Variants in CFAP97 observed in about 807,000 individuals in gnomAD.
CFAP97 encodes cilia- and flagella-associated protein 97.
CFAP97 carries 36 observed loss-of-function variants against 43.1 expected under a neutral mutation model. The ratio of observed to expected loss-of-function variants is 0.84; its 90% CI spans 0.64 to 1.10. CFAP97 has a LOEUF of 1.10. Ranked by LOEUF, CFAP97 falls within the 50% of genes least tolerant of loss-of-function variation. The pLI, the probability that CFAP97 is intolerant of heterozygous loss-of-function variation, is 0.00. For synonymous variants in CFAP97, 228 were observed against 225.7 expected (o/e 1.01, Z -0.09); for missense variants, 657 against 620.3 (o/e 1.06, Z -0.63).
At chr4:185,165,657 AG>A (rs1177280116) in intron 3 of CFAP97, among the ~76,000 whole-genome samples, 1 of 152,258 alleles carries the variant, frequency 6.6e-6, no homozygotes, top group Non-Finnish European at 1.5e-5. Flanking sequence ...ATTCAGTCAT[AG>A]GACAAGTTTT....
chr4:185,197,324 T>G (rs1471496839), intron 1 of CFAP97, among the ~76,000 whole-genome samples: 1 of 152,138 alleles, frequency 6.6e-6, no homozygotes, highest in African/African-American at 2.4e-5. Context: ...AGAATTAATA[T>G]TACACATATG....
intron 2 of CFAP97, among the ~76,000 whole-genome samples, chr4:185,185,425 T>A (rs1735968517): frequency 6.6e-6 from 1 of 152,152 alleles, no homozygotes. Context: ...AAATATAATT[T>A]TAAAGAACAA....
At chr4:185,200,591 C>T (rs1479949592) in intron 1 of CFAP97, among the ~76,000 whole-genome samples, 1 of 151,678 alleles carries the variant, frequency 6.6e-6, no homozygotes, top group African/African-American at 2.4e-5. Context: ...AGCAGTGAAC[C>T]GAGCTTGCGT....
upstream of CFAP97, among the ~76,000 whole-genome samples, chr4:185,208,233 G>A (rs910611186): frequency 1.3e-5 from 2 of 152,126 alleles, no homozygotes; most frequent in Non-Finnish European, 2.9e-5. Context: ...GGCCAGGCTA[G>A]TCTTGAACTC....
intron 2 of CFAP97, among the ~76,000 whole-genome samples, chr4:185,180,194 A>G (rs917581103): frequency 2.6e-5 from 4 of 152,158 alleles, no homozygotes; most frequent in African/African-American, 9.7e-5. Context: ...GTTGGCATAT[A>G]CTGAGCACTC....
chr4:185,190,685 G>T lies in CFAP97; in HGVS notation c.512C>A (p.Ser171Tyr). 10 of 1,571,506 alleles carry T rather than the reference G, an allele frequency of 6.4e-6. No individual in the cohort carries two copies. Among genetic ancestry groups the T allele is most frequent in the Non-Finnish European group, 8.6e-6 (10 of 1,157,008 alleles). The change falls in exon 2 of 5, where the codon TCC becomes TAC. Residue 171 changes from serine to tyrosine, a missense_variant. Physicochemically the swap from Ser to Tyr is moderately radical, Grantham distance 144 (BLOSUM62 -2). Transcript: ENST00000458385. ...GGAAGATAAAGAGGAGGAGGAAGAG[G>T]AGCTAACTTTGCAATACTTTTTCCT... ...SIRKKYCKVS[S>Y]SSSSSLSSSS...
In CFAP97 at chr4:185,175,993, T is replaced by G; in HGVS notation, c.1113A>C (p.Val371=). The G allele has an allele frequency of 6.2e-7, 1 of 1,613,276 alleles. No individual in the cohort carries two copies. The highest frequency in any genetic ancestry group is 2.2e-5 in the East Asian group (1 of 44,852). The stretch of plus-strand genomic sequence containing the variant: ...TGAAAGAGTAGTTTTTCCCGGGTGC[T>G]ACTGAAGGCTGATCAAAGTGATGTT... ...PQKHHFDQPS[V]APGKNYSFTR... The change falls in exon 3 of 5, where the codon GTA becomes GTC. Residue 371 remains valine, a synonymous_variant. Coordinates refer to ENST00000458385, the MANE Select transcript of CFAP97 (RefSeq NM_020827.3).
At chr4:185,192,865 C>T (rs1185232964) in intron 1 of CFAP97, among the ~76,000 whole-genome samples, 6 of 151,186 alleles carry the variant, frequency 4.0e-5, no homozygotes, top group East Asian at 1.9e-4. Flanking sequence ...CTCAGCCTCC[C>T]GAGTAGCTGG....
rs1050117795 is a variant in CFAP97 at position 185,159,678 on chromosome 4, TTTTA to T, written c.*3116_*3119del. 5.0e-4 allele frequency: 76 copies of T among 152,316 alleles called. No homozygotes were observed. The highest frequency in any genetic ancestry group is 1.8e-3 in the African/African-American group (74 of 41,572). 9.4% of individuals were successfully genotyped at this position (152,316 alleles called of 1,614,324 possible). ...ATCAAAACTCAGTTATCTTTAATTC[TTTTA>T]TTTCTTTCTTCATTATGCCAGGCTA... On this transcript the variant is annotated 3_prime_UTR_variant, in exon 5 of 5. Transcript: ENST00000458385.
intron 1 of CFAP97, among the ~76,000 whole-genome samples, chr4:185,200,226 T>C (rs934909724): frequency 6.6e-6 from 1 of 152,148 alleles, no homozygotes; most frequent in Non-Finnish European, 1.5e-5. Flanking sequence ...GCACGGGAAC[T>C]AGAATTAGAA....
At chr4:185,172,851 A>G (rs372646668) in intron 3 of CFAP97, among the ~76,000 whole-genome samples, 69 of 117,998 alleles carry the variant, frequency 5.8e-4, no homozygotes, top group South Asian at 1.5e-3. Flanking sequence ...CCATCTCTAC[A>G]AAAAAAAAAA....
At chr4:185,171,366 C>T (rs561111274) in intron 3 of CFAP97, among the ~76,000 whole-genome samples, 15 of 152,048 alleles carry the variant, frequency 9.9e-5, no homozygotes, top group Non-Finnish European at 1.6e-4. Flanking sequence ...ACAAGAACAA[C>T]GAAATAACTA....
chr4:185,177,089 T>C (rs1422189273), intron 2 of CFAP97, among the ~76,000 whole-genome samples: 1 of 152,128 alleles, frequency 6.6e-6, no homozygotes, highest in Non-Finnish European at 1.5e-5. Flanking sequence ...TTAAACTTGC[T>C]GAATGTTTCA....
chr4:185,192,460 G>GT (rs1024805459), intron 1 of CFAP97, among the ~76,000 whole-genome samples: 44 of 151,954 alleles, frequency 2.9e-4, no homozygotes, highest in African/African-American at 9.7e-4. Flanking sequence ...ACTGATTTTT[G>GT]TTTTTTTCCC....
chr4:185,176,013 G>T lies in CFAP97; in HGVS notation c.1093C>A (p.His365Asn). ...QLDKKGPQKH[H>N]FDQPSVAPGK... ...GGTGCTACTGAAGGCTGATCAAAGT[G>T]ATGTTTTTGTGGTCCTTTTTTATCT... The change falls in exon 3 of 5, where the codon CAC (histidine) becomes AAC (asparagine). Residue 365 changes from histidine to asparagine, a missense_variant. Coordinates refer to ENST00000458385, the MANE Select transcript of CFAP97 (RefSeq NM_020827.3). 1 of 1,607,154 alleles carries T rather than the reference G, an allele frequency of 6.2e-7. No individual in the cohort carries two copies. The highest frequency in any genetic ancestry group is 8.5e-7 in the Non-Finnish European group (1 of 1,177,174).
At chr4:185,167,716 C>A (rs758677138) in intron 3 of CFAP97, among the ~76,000 whole-genome samples, 72 of 152,182 alleles carry the variant, frequency 4.7e-4, no homozygotes, top group African/African-American at 1.5e-3. Context: ...CTTATTCAGG[C>A]TGGGCGTGGT....
intron 1 of CFAP97, among the ~76,000 whole-genome samples, chr4:185,197,180 A>G (rs919866834): frequency 4.6e-5 from 7 of 151,916 alleles, no homozygotes; most frequent in Non-Finnish European, 1.0e-4. Context: ...AATTTGAAGA[A>G]ACTGAAATCA....
chr4:185,194,075 C>T lies in CFAP97; in HGVS notation c.-16-2863G>A, dbSNP rs149965842. Among the ~76,000 whole-genome samples, 461 of 152,290 alleles carry T rather than the reference C, an allele frequency of 3.0e-3. 19 individuals carry two copies. In the South Asian group the frequency reaches 0.063, roughly 21 times the overall value. ...ATAAAGTTTTATTGGAACACAGCCC[C>T]ACTGATGGGTATATGTATTGTCTCC... On this transcript the variant is annotated intron_variant, in intron 1 of 4. Coordinates refer to ENST00000458385, the MANE Select transcript of CFAP97 (RefSeq NM_020827.3).
At position 185,164,064 on chromosome 4, in the gene CFAP97, C is replaced by T. The variant is rs765438262; in HGVS notation, c.1436G>A (p.Arg479Gln). ...GYLNSSPLSR[R>Q]ARSTLGQYSP... ...ATATTGGCCAAGAGTGGATCTGGCC[C>T]GTCTTGACAATGGTGATGAGTTGAG... is the stretch of plus-strand genomic sequence containing the variant. The change falls in exon 4 of 5, where the codon CGG (arginine) becomes CAG (glutamine). Residue 479 changes from arginine (R) to glutamine (Q), a missense_variant. Coordinates refer to ENST00000458385, the MANE Select transcript of CFAP97 (RefSeq NM_020827.3). 8 of 1,613,688 alleles carry T rather than the reference C, an allele frequency of 5.0e-6. No homozygotes were observed. Among genetic ancestry groups the T allele is most frequent in the East Asian group, 2.2e-5 (1 of 44,894 alleles).
Sources: allele counts gnomAD v4.1 joint callset (sites outside exome capture counted in the v4.1 genomes callset), GRCh38; gene constraint gnomAD v4.1.1; transcripts MANE v1.5; gene names NCBI Gene and HGNC (gene_info 2026-07-23, HGNC 2026-07-21).